The following IFNGR2 variants were observed in gnomAD, a reference collection of about 807,000 sequenced individuals.
IFNGR2 encodes the protein interferon gamma receptor 2, also known as IFN-gamma receptor 2.
A neutral mutation model predicts 41.1 loss-of-function variants in IFNGR2; 15 were observed. That is an observed-to-expected ratio of 0.37 (90% CI 0.24 to 0.56). IFNGR2 has a LOEUF of 0.56. Among genes scored for constraint, IFNGR2 ranks in the 20% least tolerant of loss-of-function variants. IFNGR2 has a pLI of 0.81. For missense variants in IFNGR2, 362 were observed against 415.7 expected (o/e 0.87, Z 1.12); for synonymous variants, 161 against 171.6 (o/e 0.94, Z 0.48).
intron 3 of IFNGR2, among the ~76,000 whole-genome samples, chr21:33,423,396 G>A (rs147061829): frequency 6.7e-6 from 1 of 149,372 alleles, no homozygotes; most frequent in African/African-American, 2.5e-5. Flanking sequence ...GTTTTTTTTT[G>A]TTGTTGTTGT....
chr21:33,407,367 C>T (rs1190746451), intron 1 of IFNGR2, among the ~76,000 whole-genome samples: 1 of 152,066 alleles, frequency 6.6e-6, no homozygotes, highest in Non-Finnish European at 1.5e-5. Flanking sequence ...TTCATAATCT[C>T]AGCAAGTGAA....
chr21:33,425,686 G>A (rs904705940), intron 3 of IFNGR2, among the ~76,000 whole-genome samples: 1 of 152,214 alleles, frequency 6.6e-6, no homozygotes, highest in Admixed American at 6.5e-5. Context: ...GGCTGGTGGT[G>A]GGCCAGGCCT....
At chr21:33,411,732 T>G (rs1359851791) in intron 1 of IFNGR2, among the ~76,000 whole-genome samples, 2 of 152,158 alleles carry the variant, frequency 1.3e-5, no homozygotes, top group Non-Finnish European at 2.9e-5. Flanking sequence ...GAAGGTGCCC[T>G]GAGCCAAAGA....
intron 2 of IFNGR2, among the ~76,000 whole-genome samples, chr21:33,420,238 G>A (rs1240165539): frequency 2.6e-5 from 4 of 152,046 alleles, no homozygotes; most frequent in Non-Finnish European, 4.4e-5. Flanking sequence ...TGGGGATACA[G>A]AGCGGTCTCC....
chr21:33,427,290 T>C (rs2083846711), intron 4 of IFNGR2, among the ~76,000 whole-genome samples: 1 of 152,082 alleles, frequency 6.6e-6, no homozygotes, highest in Admixed American at 6.6e-5. Flanking sequence ...TTGTGTGGGG[T>C]TGAGACTTTG....
chr21:33,435,166 C>G (rs369031008), intron 6 of IFNGR2, among the ~76,000 whole-genome samples: 9 of 152,286 alleles, frequency 5.9e-5, no homozygotes, highest in Middle Eastern at 3.4e-3. Flanking sequence ...AAGCCTAAAG[C>G]CTGCGGGAGC....
intron 4 of IFNGR2, among the ~76,000 whole-genome samples, chr21:33,428,236 C>A (rs919845149): frequency 7.8e-6 from 1 of 128,520 alleles, no homozygotes; most frequent in Non-Finnish European, 1.6e-5. Context: ...AATTATTGTT[C>A]TTTTTTTGAG....
rs1050682443 is a variant in IFNGR2 at position 33,437,464 on chromosome 21, A to G, written c.*502A>G. On this transcript the variant is annotated 3_prime_UTR_variant, in exon 7 of 7. Transcript: ENST00000290219. ...TTGTAAATATACTCCTAGTAATTTAAGATTTTGTTTTTAAACTGGAAATAA... is the reference window on the plus strand; with the variant it reads ...TTGTAAATATACTCCTAGTAATTTAGGATTTTGTTTTTAAACTGGAAATAA... The G allele has an allele frequency of 6.5e-6, 1 of 154,940 alleles. No individual in the cohort carries two copies. The highest frequency in any genetic ancestry group is 1.4e-5 in the Non-Finnish European group (1 of 69,852). 9.6% of individuals were successfully genotyped at this position (154,940 alleles called of 1,614,324 possible).
At chr21:33,421,736 A>C in intron 3 of IFNGR2, 51 bp downstream of exon 3, 9 of 1,427,874 alleles carry the variant, frequency 6.3e-6, no homozygotes, top group Non-Finnish European at 8.9e-6. Context: ...GGTTTTCTTC[A>C]CTTGCGGTAT....
intron 1 of IFNGR2, among the ~76,000 whole-genome samples, chr21:33,409,329 C>T (rs762816755): frequency 1.3e-5 from 2 of 151,750 alleles, no homozygotes; most frequent in African/African-American, 4.8e-5. Context: ...AATAGCCAGG[C>T]GTGGTAGCAG....
chr21:33,413,175 T>C (rs998269227), intron 1 of IFNGR2, among the ~76,000 whole-genome samples: 6 of 152,176 alleles, frequency 3.9e-5, no homozygotes, highest in Non-Finnish European at 7.4e-5. Context: ...ACCACCCCCC[T>C]CTGGAAGCAT....
intron 1 of IFNGR2, among the ~76,000 whole-genome samples, chr21:33,409,424 ACGCCACTG>A (rs1369257121): frequency 1.3e-5 from 2 of 152,118 alleles, no homozygotes; most frequent in African/African-American, 4.8e-5. Context: ...AGCCGAGATC[ACGCCACTG>A]CGACACTGCA....
At chr21:33,414,441 G>A (rs1227370517) in intron 1 of IFNGR2, among the ~76,000 whole-genome samples, 2 of 152,358 alleles carry the variant, frequency 1.3e-5, no homozygotes, top group African/African-American at 4.8e-5. Context: ...AAGCTAACGC[G>A]TGTCACATGA....
At position 33,432,312 on chromosome 21, in the gene IFNGR2, T is replaced by C. The variant is rs767911158; in HGVS notation, c.697T>C (p.Ser233Pro). The C allele has an allele frequency of 1.2e-6, 2 of 1,614,142 alleles. No homozygotes were observed. The highest frequency in any genetic ancestry group is 1.1e-5 in the South Asian group (1 of 91,080). Residue 233 changes from serine (S) to proline (P), a missense_variant, in exon 5 of 7, where the codon TCT becomes CCT. Transcript: ENST00000290219. ...TAGAGTCGGGCATTTAAGCAACATA[T>C]CTTGCTACGAAACAATGGCAGATGG... ...IFRVGHLSNI[S>P]CYETMADAST...
At chr21:33,420,742 CAAAT>C (rs777525046) in intron 2 of IFNGR2, among the ~76,000 whole-genome samples, 3 of 152,114 alleles carry the variant, frequency 2.0e-5, no homozygotes, top group Non-Finnish European at 4.4e-5. Flanking sequence ...AATTAGAAGA[CAAAT>C]AACCCAATTA....
chr21:33,413,131 T>A (rs991746251), intron 1 of IFNGR2, among the ~76,000 whole-genome samples: 1 of 152,118 alleles, frequency 6.6e-6, no homozygotes, highest in African/African-American at 2.4e-5. Context: ...CATGCAGGCC[T>A]CTCTGTGTGA....
intron 6 of IFNGR2, among the ~76,000 whole-genome samples, chr21:33,433,711 G>A (rs2083913707): frequency 6.6e-6 from 1 of 152,150 alleles, no homozygotes; most frequent in African/African-American, 2.4e-5. Flanking sequence ...ATGTGAATGT[G>A]CTTGGCACTA....
chr21:33,424,080 C>A (rs1176665346), intron 3 of IFNGR2, among the ~76,000 whole-genome samples: 2 of 152,066 alleles, frequency 1.3e-5, no homozygotes, highest in Admixed American at 6.6e-5. Flanking sequence ...GCAGGCAGAT[C>A]ATCTGTGGTC....
At chr21:33,428,299 G>A (rs2083857646) in intron 4 of IFNGR2, among the ~76,000 whole-genome samples, 1 of 150,592 alleles carries the variant, frequency 6.6e-6, no homozygotes, top group African/African-American at 2.5e-5. Context: ...TTGGCTCACT[G>A]CAACCTCTAC....
Sources: allele counts gnomAD v4.1 joint callset (sites outside exome capture counted in the v4.1 genomes callset), GRCh38; gene constraint gnomAD v4.1.1; transcripts MANE v1.5; gene names NCBI Gene and HGNC (gene_info 2026-07-23, HGNC 2026-07-21).